The following CDK20 variants were observed in gnomAD, a reference collection of about 807,000 sequenced individuals.
CDK20 encodes the protein cyclin-dependent kinase 20.
Under a neutral mutation model 38.6 loss-of-function variants are expected in CDK20, and 40 were observed. The ratio of observed to expected loss-of-function variants is 1.04; its 90% CI spans 0.81 to 1.35. CDK20 has a LOEUF of 1.35. CDK20 is among the 40% of genes most tolerant of loss of function. The pLI is 0.00. For synonymous variants in CDK20, 209 were observed against 185.7 expected (o/e 1.13, Z -1.02); for missense variants, 512 against 452.6 (o/e 1.13, Z -1.19).
At chr9:87,972,222 C>A (rs28364945) in intron 2 of CDK20, among the ~76,000 whole-genome samples, 3 of 151,996 alleles carry the variant, frequency 2.0e-5, no homozygotes, top group African/African-American at 7.2e-5. Flanking sequence ...GAAAAAAAAT[C>A]AACAGAACTA....
Position 87,971,339 on chromosome 9 carries a change from T to G in CDK20, c.190-4A>C. 6.2e-7 allele frequency: 1 copy of G among 1,608,520 alleles called. No homozygotes were observed. Among genetic ancestry groups the G allele is most frequent in the Non-Finnish European group, 8.5e-7 (1 of 1,177,054 alleles). ...ACACAGCCTTCAGTTGTACCACCTG[T>G]GGGCAGGACATCTTGTTAGCCCCCA... On this transcript the variant is annotated splice_polypyrimidine_tract_variant and splice_region_variant and intron_variant, in intron 2 of 7. Transcript: ENST00000325303.
chr9:87,974,531 C>G lies in CDK20; in HGVS notation c.-85G>C. ...TCCACCCCACGCTGATCTGAGCTCG[C>G]ACGCTGTTGCCTAGCAACAGCGCGG... is the stretch of plus-strand genomic sequence containing the variant. On this transcript the variant is annotated 5_prime_UTR_variant, in exon 1 of 8. Coordinates refer to ENST00000325303, the MANE Select transcript of CDK20 (RefSeq NM_001039803.3). 1 of 1,265,042 alleles carries G rather than the reference C, an allele frequency of 7.9e-7. No homozygotes were observed. The highest frequency in any genetic ancestry group is 1.1e-6 in the Non-Finnish European group (1 of 930,864). The allele number at this position is 1,265,042 out of a possible 1,614,324, so 78.4% of individuals were successfully genotyped here.
intron 5 of CDK20, chr9:87,970,270 A>G: frequency 4.3e-6 from 2 of 467,682 alleles, no homozygotes. Context: ...CAGCTCAGAG[A>G]TGCCATATCC....
intron 2 of CDK20, among the ~76,000 whole-genome samples, chr9:87,972,899 C>CA (rs1829960287): frequency 6.6e-6 from 1 of 152,136 alleles, no homozygotes; most frequent in African/African-American, 2.4e-5. Context: ...AGGTAGTACA[C>CA]AACCATTTAA....
intron 5 of CDK20, 71 bp from the exon 6 acceptor site, chr9:87,969,990 T>G: frequency 6.8e-7 from 1 of 1,475,552 alleles, no homozygotes; most frequent in African/African-American, 1.4e-5. Context: ...ACAGAGCAGC[T>G]CTAACACTGC....
intron 6 of CDK20, 179 bp from the exon 7 acceptor site, chr9:87,969,528 T>C: frequency 2.5e-6 from 2 of 795,234 alleles, no homozygotes; most frequent in Non-Finnish European, 3.9e-6. Context: ...ATCCATCCCC[T>C]TGCCCTCTCA....
intron 1 of CDK20, 71 bp downstream of exon 1, chr9:87,974,301 A>G: frequency 4.7e-6 from 7 of 1,490,776 alleles, no homozygotes; most frequent in Non-Finnish European, 6.5e-6. Flanking sequence ...GAACCGAAAC[A>G]GTTTAGAGCG....
chr9:87,969,019 G>T, intron 7 of CDK20, 175 bp downstream of exon 7: 1 of 694,844 alleles, frequency 1.4e-6, no homozygotes, highest in Non-Finnish European at 2.4e-6. Context: ...CTCATGAGAG[G>T]CACACCTGCT....
intron 2 of CDK20, among the ~76,000 whole-genome samples, chr9:87,971,848 CAA>C (rs28364949): frequency 0.016 from 2,372 of 152,204 alleles, 25 homozygotes; most frequent in Non-Finnish European, 0.021. Context: ...GCACAAAGGA[CAA>C]ACAGTTTAAC....
chr9:87,967,678 G>T lies in CDK20; in HGVS notation c.844-19C>A. The T allele has an allele frequency of 6.9e-7, 1 of 1,459,568 alleles. No individual in the cohort carries two copies. Among genetic ancestry groups the T allele is most frequent in the Non-Finnish European group, 9.1e-7 (1 of 1,103,130 alleles). The allele number at this position is 1,459,568 out of a possible 1,614,324, so 90.4% of individuals were successfully genotyped here. A position where few individuals can be genotyped will look rare whatever the true frequency, so the allele number is the denominator to read the frequency against. Reference sequence around the variant, plus strand: ...GGAGAGCCTGAGGGTGGCAAGTAAGGAACAGCAGAAGGAAACTAGTCACCT... The same window carrying T: ...GGAGAGCCTGAGGGTGGCAAGTAAGTAACAGCAGAAGGAAACTAGTCACCT... On this transcript the variant is annotated intron_variant, in intron 7 of 7. Coordinates refer to ENST00000325303, the MANE Select transcript of CDK20 (RefSeq NM_001039803.3).
At position 87,970,838 on chromosome 9, in the gene CDK20, A is replaced by G; in HGVS notation, c.438T>C (p.Phe146=). ...SASGQLKIAD[F]GLARVFSPDG... is the part of the protein sequence containing the mutation. ...CTGGGGAAAAGACTCGAGCCAGGCC[A>G]AAGTCCGCTATCTTGAGCTGGCCTG... The change falls in exon 4 of 8, where the codon TTT becomes TTC. Residue 146 remains phenylalanine (F), a synonymous_variant. Transcript: ENST00000325303. 4.3e-6 allele frequency: 7 copies of G among 1,614,186 alleles called. No individual in the cohort carries two copies. The highest frequency in any genetic ancestry group is 1.1e-5 in the South Asian group (1 of 91,084).
chr9:87,974,377 C>G lies in CDK20; in HGVS notation c.70G>C (p.Val24Leu). ...CGGCCGCGGTCCAGCCTCACCTCCA[C>G]GTGCTTGGCCTTGAAGACGATGCCG... ...AHGIVFKAKH[V>L]ETGEIVALKK... The change falls in exon 1 of 8, where the codon GTG becomes CTG. Residue 24 changes from valine (V) to leucine (L), a missense_variant. Physicochemically the swap from Val to Leu is conservative, Grantham distance 32 (BLOSUM62 1). Transcript: ENST00000325303. 6.2e-7 allele frequency: 1 copy of G among 1,612,556 alleles called. No individual in the cohort carries two copies. The highest frequency in any genetic ancestry group is 1.1e-5 in the South Asian group (1 of 91,076).
At position 87,971,223 on chromosome 9, in the gene CDK20, T is replaced by G. The variant is rs1167291350; in HGVS notation, c.302A>C (p.Gln101Pro). The G allele has an allele frequency of 6.2e-6, 10 of 1,614,206 alleles. No homozygotes were observed. The highest frequency in any genetic ancestry group is 8.5e-6 in the Non-Finnish European group (10 of 1,180,046). The change falls in exon 3 of 8, where the codon CAG (glutamine) becomes CCG (proline). Residue 101 changes from glutamine (Q) to proline (P), a missense_variant. By Grantham distance (76) the Gln-to-Pro change is moderately conservative (BLOSUM62 -1). Transcript: ENST00000325303. Reference sequence around the variant, plus strand: ...CTGCAGGTAGCTCTTGACCTGTGCCTGGGCTAGTGGCCTCTGGGCATGGCG... The same window carrying G: ...CTGCAGGTAGCTCTTGACCTGTGCCGGGGCTAGTGGCCTCTGGGCATGGCG... ...VVRHAQRPLAQAQVKSYLQML... is the reference protein window; with the variant it reads ...VVRHAQRPLAPAQVKSYLQML...
chr9:87,969,094 G>C, intron 7 of CDK20, 100 bp downstream of exon 7: 2 of 1,369,344 alleles, frequency 1.5e-6, no homozygotes. Flanking sequence ...CAGGTTCTGA[G>C]GGTCGCTGAT....
At chr9:87,970,179 C>T (rs1004848021) in intron 5 of CDK20, 9 of 456,180 alleles carry the variant, frequency 2.0e-5, no homozygotes, top group African/African-American at 1.4e-4. Context: ...CCCCAAATCT[C>T]AGACCCATGG....
At chr9:87,970,728 G>T (rs1279056855) in intron 4 of CDK20, 48 bp downstream of exon 4, 1 of 1,613,278 alleles carries the variant, frequency 6.2e-7, no homozygotes, top group South Asian at 1.1e-5. Flanking sequence ...AGGCCCAGAA[G>T]CATCTCTTCC....
intron 1 of CDK20, 76 bp from the exon 2 acceptor site, chr9:87,974,111 G>GGT: frequency 1.9e-6 from 3 of 1,604,720 alleles, no homozygotes; most frequent in Non-Finnish European, 2.5e-6. Flanking sequence ...AGGGGAAGGT[G>GGT]GTTGAGAGAG....
rs1829475651 is a variant in CDK20, at chr9:87,967,004, CT to C, written c.*457del. ...GTTTTTAGAATCTATATCTCACATA[CT>C]GAACTAGTGTTTAATGGCTCTGAGA... On this transcript the variant is annotated 3_prime_UTR_variant, in exon 8 of 8. Coordinates refer to ENST00000325303, the MANE Select transcript of CDK20 (RefSeq NM_001039803.3). 2.0e-6 allele frequency: 1 copy of C among 491,804 alleles called. No individual in the cohort carries two copies. The highest frequency in any genetic ancestry group is 2.1e-5 in the Admixed American group (1 of 46,682). The allele number at this position is 491,804 out of a possible 1,614,324, so 30.5% of individuals were successfully genotyped here. A position where few individuals can be genotyped will look rare whatever the true frequency, so the allele number is the denominator to read the frequency against.
At chr9:87,967,767 G>C (rs1829533032) in intron 7 of CDK20, 108 bp from the exon 8 acceptor site, 1 of 984,904 alleles carries the variant, frequency 1.0e-6, no homozygotes, top group Non-Finnish European at 1.5e-6. Flanking sequence ...AGTGTGTCTG[G>C]GTGTTTTCTG....
Sources: gnomAD v4.1 joint callset for allele counts (sites outside exome capture counted in the v4.1 genomes callset) on GRCh38, gnomAD v4.1.1 for gene constraint, MANE v1.5 for transcripts, NCBI Gene and HGNC (gene_info 2026-07-23, HGNC 2026-07-21) for gene names.